MRPL40: variants seen among roughly 807,000 people sequenced by gnomAD.
The protein encoded by MRPL40 is mitochondrial ribosomal protein L40.
A neutral mutation model predicts 24.5 loss-of-function variants in MRPL40; 18 were observed. That is an observed-to-expected ratio of 0.73 (90% confidence interval 0.51 to 1.09). The LOEUF is 1.09. Ranked by LOEUF, MRPL40 falls within the 50% of genes least tolerant of loss-of-function variation. MRPL40 has a pLI of 0.00. For missense variants in MRPL40, 256 were observed against 243.8 expected (o/e 1.05, Z -0.33); for synonymous variants, 108 against 94.6 (o/e 1.14, Z -0.82).
At chr22:19,434,602 G>C in intron 2 of MRPL40, 134 bp from the exon 3 acceptor site, 1 of 658,292 alleles carries the variant, frequency 1.5e-6, no homozygotes, top group Non-Finnish European at 2.6e-6. Context: ...TCCTCACCAC[G>C]CTGAGCTCAT....
Position 19,435,902 on chromosome 22 carries a change from C to A in MRPL40, c.561C>A (p.Pro187=), listed in dbSNP as rs2089585443. Residue 187 remains proline (P), a synonymous_variant, in exon 4 of 4, where the codon CCC becomes CCA. Coordinates refer to ENST00000333130, the MANE Select transcript of MRPL40 (RefSeq NM_003776.4). ...CACCACCGATCCCTAACTACCAACCCCCTGAAGGCAGGTACAATGACATCA... is the reference window on the plus strand; with the variant it reads ...CACCACCGATCCCTAACTACCAACCACCTGAAGGCAGGTACAATGACATCA... ...HYTPPIPNYQ[P]PEGRYNDITK... is the part of the protein sequence containing the mutation. The A allele has an allele frequency of 1.2e-6, 2 of 1,614,106 alleles. No individual in the cohort carries two copies. Among genetic ancestry groups the A allele is most frequent in the Non-Finnish European group, 1.7e-6 (2 of 1,180,020 alleles).
At position 19,433,340 on chromosome 22, in the gene MRPL40, TC is replaced by T; in HGVS notation, c.132del (p.Met45Ter). On this transcript the variant is annotated frameshift_variant, in exon 2 of 4. Transcript: ENST00000333130. LOFTEE classifies it high-confidence loss of function. ...ASLLSFWELI[P>X]MRSEPLRKKK... ...CATTGTTGTCTTTCTGGGAACTCAT[TC>T]CCATGAGGTAAAACTCAATCGAGGG... is the stretch of plus-strand genomic sequence containing the variant. The T allele has an allele frequency of 6.2e-7, 1 of 1,605,982 alleles. No homozygotes were observed. The highest frequency in any genetic ancestry group is 1.3e-5 in the African/African-American group (1 of 74,868).
Position 19,433,298 on chromosome 22 carries a change from GACTC to G in MRPL40, c.90_93del (p.His31SerfsTer14), listed in dbSNP as rs1728122909. On this transcript the variant is annotated frameshift_variant, in exon 2 of 4. Coordinates refer to ENST00000333130, the MANE Select transcript of MRPL40 (RefSeq NM_003776.4). LOFTEE classifies it high-confidence loss of function. ...GAACTTGGCAGACGCAGCTTAGAGA[GACTC>G]ACCAGCGAGCGTCATTGTTGTCTTT... 3 of 1,613,168 alleles carry G rather than the reference GACTC, an allele frequency of 1.9e-6. No homozygotes were observed. Among genetic ancestry groups the G allele is most frequent in the Non-Finnish European group, 2.5e-6 (3 of 1,179,386 alleles).
chr22:19,435,010 C>A, intron 3 of MRPL40, 116 bp downstream of exon 3: 1 of 933,244 alleles, frequency 1.1e-6, no homozygotes, highest in Non-Finnish European at 1.6e-6. Flanking sequence ...CTTGAGCTGA[C>A]TTGGCCCTAA....
chr22:19,433,315 C>A lies in MRPL40; in HGVS notation c.104C>A (p.Ser35Ter). The A allele has an allele frequency of 6.2e-7, 1 of 1,613,122 alleles. No individual in the cohort carries two copies. The highest frequency in any genetic ancestry group is 1.1e-5 in the South Asian group (1 of 91,054). The change falls in exon 2 of 4, where the codon TCA (serine) becomes TAA (stop). Residue 35 changes from serine to a stop codon, truncating the protein, a stop_gained. Coordinates refer to ENST00000333130, the MANE Select transcript of MRPL40 (RefSeq NM_003776.4). LOFTEE classifies it high-confidence loss of function. Reference protein sequence around the residue: ...TQLRETHQRASLLSFWELIPM... With the variant: ...TQLRETHQRA ...CTTAGAGAGACTCACCAGCGAGCGTCATTGTTGTCTTTCTGGGAACTCATT... is the reference window on the plus strand; with the variant it reads ...CTTAGAGAGACTCACCAGCGAGCGTAATTGTTGTCTTTCTGGGAACTCATT...
rs1359826213 is a variant in MRPL40 at position 19,435,979 on chromosome 22, C to T, written c.*17C>T. The T allele has an allele frequency of 6.3e-7, 1 of 1,588,370 alleles. No individual in the cohort carries two copies. Among genetic ancestry groups the T allele is most frequent in the South Asian group, 1.1e-5 (1 of 88,748 alleles). The stretch of plus-strand genomic sequence containing the variant: ...AAGAGATAGACTTGCAGGCTGCTAT[C>T]CTTAACATGCTGCCCCTGAGAGTAG... On this transcript the variant is annotated 3_prime_UTR_variant, in exon 4 of 4. Coordinates refer to ENST00000333130, the MANE Select transcript of MRPL40 (RefSeq NM_003776.4).
rs2089576955 is a variant in MRPL40, at chr22:19,434,861, T to G, written c.263T>G (p.Phe88Cys). ...CAAGAGCTAATTCCTATTGAAGATT[T>G]TATTACCCCTCTAAAGTTCTTGGAT... is the stretch of plus-strand genomic sequence containing the variant. The part of the protein sequence containing the change: ...ATQELIPIED[F>C]ITPLKFLDKA... Residue 88 changes from phenylalanine (F) to cysteine (C), a missense_variant, in exon 3 of 4, where the codon TTT becomes TGT. By Grantham distance (205) the Phe-to-Cys change is radical. Transcript: ENST00000333130. The G allele has an allele frequency of 1.2e-6, 2 of 1,604,050 alleles. No homozygotes were observed. The highest frequency in any genetic ancestry group is 1.7e-6 in the Non-Finnish European group (2 of 1,177,656).
intron 2 of MRPL40, among the ~76,000 whole-genome samples, chr22:19,434,180 C>T (rs1013311899): frequency 2.0e-5 from 3 of 151,096 alleles, no homozygotes; most frequent in Non-Finnish European, 2.9e-5. Context: ...GAACACTTCC[C>T]GATTTTATAC....
intron 1 of MRPL40, chr22:19,433,042 C>A: frequency 1.8e-6 from 1 of 541,376 alleles, no homozygotes; most frequent in South Asian, 2.1e-5. Context: ...CAGTTCTGCC[C>A]CGGCCTCCCG....
chr22:19,435,684 G>C lies in MRPL40; in HGVS notation c.343G>C (p.Ala115Pro). The C allele has an allele frequency of 6.2e-7, 1 of 1,614,114 alleles. No homozygotes were observed. The highest frequency in any genetic ancestry group is 8.5e-7 in the Non-Finnish European group (1 of 1,180,004). ...ELTFEETERR[A>P]LLLKKWSLYK... ...CACCTTTGAGGAGACTGAGAGGAGA[G>C]CTCTGCTTCTGAAGAAGTGGTCCTT... Residue 115 changes from alanine to proline, a missense_variant, in exon 4 of 4, where the codon GCT becomes CCT. Transcript: ENST00000333130.
At chr22:19,435,603 G>A (rs893563974) in intron 3 of MRPL40, 35 bp from the exon 4 acceptor site, 3 of 1,573,022 alleles carry the variant, frequency 1.9e-6, no homozygotes, top group South Asian at 1.2e-5. Context: ...AGACTTACAT[G>A]CCAGTGAGAT....
intron 2 of MRPL40, among the ~76,000 whole-genome samples, chr22:19,434,216 C>CTTTTTTTTTTTTTTTTT (rs35856980): frequency 2.3e-5 from 2 of 85,300 alleles, no homozygotes; most frequent in African/African-American, 5.5e-5. Context: ...TGCTTTTGTA[C>CTTTTTTTTTTTTTTTTT]TTTTTTTTTT....
intron 2 of MRPL40, among the ~76,000 whole-genome samples, chr22:19,434,058 C>T (rs943000287): frequency 1.4e-4 from 21 of 150,748 alleles, no homozygotes; most frequent in South Asian, 6.3e-4. Flanking sequence ...CCTGAGCCAC[C>T]GCACCCAGTC....
chr22:19,432,566 C>A lies in MRPL40; in HGVS notation c.12C>A (p.Ser4=). 3 of 1,551,106 alleles carry A rather than the reference C, an allele frequency of 1.9e-6. No homozygotes were observed. The highest frequency in any genetic ancestry group is 2.6e-6 in the Non-Finnish European group (3 of 1,148,844). ...CGGCGAGGGTAGCCATGACGGCCTC[C>A]GTGCTGCGAAGTATCTCGCTAGCCC... MTA[S]VLRSISLALR... Residue 4 remains serine, a synonymous_variant, in exon 1 of 4, where the codon TCC becomes TCA. Transcript: ENST00000333130.
rs1319307402 is a variant in MRPL40, at chr22:19,432,599, G to A, written c.45G>A (p.Pro15=). The A allele has an allele frequency of 6.4e-7, 1 of 1,553,746 alleles. No individual in the cohort carries two copies. The change falls in exon 1 of 4, where the codon CCG becomes CCA. Residue 15 remains proline (P), a synonymous_variant. Transcript: ENST00000333130. ...GAAGTATCTCGCTAGCCCTGCGCCCGACTAGCGGGTGAGTGCGGACGCTGG... is the reference window on the plus strand; with the variant it reads ...GAAGTATCTCGCTAGCCCTGCGCCCAACTAGCGGGTGAGTGCGGACGCTGG... The part of the protein sequence containing the change: ...VLRSISLALR[P]TSGLLGTWQT...
At position 19,434,723 on chromosome 22, in the gene MRPL40, C is replaced by T; in HGVS notation, c.138-13C>T. ...CAAAGAGGAAAATGTTTAATATTTG[C>T]TTTATCTATTAGATCAGAACCTCTT... On this transcript the variant is annotated splice_polypyrimidine_tract_variant and intron_variant, in intron 2 of 3. Coordinates refer to ENST00000333130, the MANE Select transcript of MRPL40 (RefSeq NM_003776.4). 1 of 1,572,964 alleles carries T rather than the reference C, an allele frequency of 6.4e-7. No individual in the cohort carries two copies. Among genetic ancestry groups the T allele is most frequent in the South Asian group, 1.2e-5 (1 of 84,250 alleles).
intron 1 of MRPL40, 72 bp downstream of exon 1, chr22:19,432,679 A>G (rs1025799672): frequency 1.3e-6 from 2 of 1,485,798 alleles, no homozygotes; most frequent in Middle Eastern, 3.5e-4. Context: ...GTCCGCCAGG[A>G]CTCGCCTGTG....
intron 3 of MRPL40, 60 bp downstream of exon 3, chr22:19,434,954 T>G: frequency 7.1e-7 from 1 of 1,409,428 alleles, no homozygotes; most frequent in Non-Finnish European, 9.7e-7. Flanking sequence ...CAACTTCAGG[T>G]AGTTGTGTCT....
At chr22:19,435,582 G>C in intron 3 of MRPL40, 56 bp from the exon 4 acceptor site, 3 of 1,479,394 alleles carry the variant, frequency 2.0e-6, no homozygotes, top group Non-Finnish European at 2.8e-6. Context: ...ACTTGTGTCA[G>C]TTGCAGTCAC....
Sources: allele counts gnomAD v4.1 joint callset (sites outside exome capture counted in the v4.1 genomes callset), GRCh38; gene constraint gnomAD v4.1.1; transcripts MANE v1.5; gene names NCBI Gene and HGNC (gene_info 2026-07-23, HGNC 2026-07-21).